CLCN6: variants seen among roughly 807,000 people sequenced by gnomAD.
CLCN6 encodes the protein Cl-/H+ antiporter 6.
Under a neutral mutation model 109.8 loss-of-function variants are expected in CLCN6, and 70 were observed. That is an observed-to-expected ratio of 0.64 (90% confidence interval 0.53 to 0.78). CLCN6 has a LOEUF of 0.78. Ranked by LOEUF, CLCN6 falls within the 30% of genes least tolerant of loss-of-function variation. The pLI is 0.00. For missense variants in CLCN6, 984 were observed against 1,142.3 expected (o/e 0.86, Z 2.00); for synonymous variants, 444 against 447.8 (o/e 0.99, Z 0.11).
chr1:11,824,873 C>T (rs1483073325), intron 8 of CLCN6, among the ~76,000 whole-genome samples: 1 of 152,170 alleles, frequency 6.6e-6, no homozygotes, highest in Admixed American at 6.6e-5. Context: ...CTCAGTGCTG[C>T]CAGATCCAAG....
chr1:11,836,031 T>A lies in CLCN6; in HGVS notation c.1858T>A (p.Ser620Thr), dbSNP rs1407142887. 3 of 1,613,360 alleles carry A rather than the reference T, an allele frequency of 1.9e-6. No individual in the cohort carries two copies. Among genetic ancestry groups the A allele is most frequent in the East Asian group, 4.5e-5 (2 of 44,830 alleles). The change falls in exon 18 of 23, where the codon TCT becomes ACT. Residue 620 changes from serine (S) to threonine (T), a missense_variant. By Grantham distance (58) the Ser-to-Thr change is moderately conservative (BLOSUM62 1). Transcript: ENST00000346436. ...TYVYPHTRIQ[S>T]LVSILRTTVH... is the part of the protein sequence containing the mutation. ...CGTCTACCCGCACACCCGCATCCAG[T>A]CTCTGGTGAGCATCCTGCGCACCAC...
intron 22 of CLCN6, chr1:11,838,870 C>T (rs534509281): frequency 2.3e-5 from 17 of 753,856 alleles, no homozygotes; most frequent in Admixed American, 8.0e-5. Flanking sequence ...TCCCACTGGC[C>T]GTCCTTTCCA....
intron 1 of CLCN6, chr1:11,806,589 CATG>C (rs1644515330): frequency 2.2e-6 from 1 of 461,932 alleles, no homozygotes; most frequent in Admixed American, 4.4e-5. Context: ...AAATCCCACC[CATG>C]TTTCCTTTTA....
At chr1:11,837,656 G>T (rs1185787670) in intron 20 of CLCN6, among the ~76,000 whole-genome samples, 157 bp downstream of exon 20, 2 of 152,166 alleles carry the variant, frequency 1.3e-5, no homozygotes, top group African/African-American at 4.8e-5. Context: ...CAGCCGGGTG[G>T]TGAGAAGCAA....
intron 1 of CLCN6, 54 bp from the exon 2 acceptor site, chr1:11,807,077 T>A: frequency 6.8e-7 from 1 of 1,465,534 alleles, no homozygotes; most frequent in Non-Finnish European, 9.6e-7. Flanking sequence ...TACTTCTGCC[T>A]CCTTCCACTC....
rs375970486 is a variant in CLCN6 at position 11,838,649 on chromosome 1, G to T, written c.2518G>T (p.Ala840Ser). The change falls in exon 22 of 23, where the codon GCT (alanine) becomes TCT (serine). Residue 840 changes from alanine (A) to serine (S), a missense_variant. Coordinates refer to ENST00000346436, the MANE Select transcript of CLCN6 (RefSeq NM_001286.5). ...CCTGCGCCACCTGCCCGTGGTGAAC[G>T]CTGTGGGAGAGGTGAGCGAGGCCCC... ...MGLRHLPVVN[A>S]VGEIVGIITR... 1.9e-6 allele frequency: 3 copies of T among 1,614,206 alleles called. No homozygotes were observed. Among genetic ancestry groups the T allele is most frequent in the Admixed American group, 1.7e-5 (1 of 60,028 alleles).
chr1:11,832,882 A>T (rs1052579728), intron 13 of CLCN6, among the ~76,000 whole-genome samples: 1 of 152,216 alleles, frequency 6.6e-6, no homozygotes, highest in African/African-American at 2.4e-5. Flanking sequence ...AATGTGTAGA[A>T]GTAGTAGAAG....
chr1:11,821,610 G>A (rs1644745207), intron 5 of CLCN6, among the ~76,000 whole-genome samples: 1 of 152,136 alleles, frequency 6.6e-6, no homozygotes, highest in Admixed American at 6.6e-5. Flanking sequence ...ACAACAGATG[G>A]TCCAATGGAA....
chr1:11,821,074 CAAAAAACAACAACAAA>C (rs1644735509), intron 5 of CLCN6, among the ~76,000 whole-genome samples: 1 of 99,796 alleles, frequency 1.0e-5, no homozygotes, highest in Non-Finnish European at 2.1e-5. Context: ...AAAACTGTCT[CAAAAAACAACAACAAA>C]AAAAAAAAAC....
chr1:11,809,950 G>T (rs1397199907), intron 2 of CLCN6, among the ~76,000 whole-genome samples: 1 of 152,144 alleles, frequency 6.6e-6, no homozygotes, highest in Non-Finnish European at 1.5e-5. Context: ...AATAAAGAGG[G>T]GAGTGAGTGG....
chr1:11,837,845 G>A (rs1164778807), intron 20 of CLCN6, among the ~76,000 whole-genome samples: 3 of 152,068 alleles, frequency 2.0e-5, no homozygotes, highest in East Asian at 1.9e-4. Context: ...ATCACACGGC[G>A]TTCTCCTGTG....
At position 11,809,023 on chromosome 1, in the gene CLCN6, G is replaced by A. The variant is rs367604924; in HGVS notation, c.147+1833G>A. 2.1e-4 allele frequency among the ~76,000 whole-genome samples: 32 copies of A among 151,518 alleles called. 1 individual carries two copies. The East Asian group carries it at 2.3e-3, about 11-fold the overall frequency. ...ATTACAGGCGCCCACCACCATGCCC[G>A]GCTAATTTTTGTATTTTTAGTAGAG... On this transcript the variant is annotated intron_variant, in intron 2 of 22. Transcript: ENST00000346436.
chr1:11,829,411 A>G (rs535107), intron 13 of CLCN6, 89 bp downstream of exon 13: 608,445 of 1,473,160 alleles, frequency 0.41, 129,885 homozygotes, highest in African/African-American at 0.54. Flanking sequence ...ACTAATAGAT[A>G]TGTTGGGTTC....
At chr1:11,813,580 G>A (rs535731169) in intron 2 of CLCN6, among the ~76,000 whole-genome samples, 14 of 152,102 alleles carry the variant, frequency 9.2e-5, no homozygotes, top group African/African-American at 2.9e-4. Flanking sequence ...TGGTAGAGAC[G>A]GGGTTTCGCC....
At chr1:11,838,836 G>C (rs1644984712) in intron 22 of CLCN6, 176 bp downstream of exon 22, 1 of 915,418 alleles carries the variant, frequency 1.1e-6, no homozygotes, top group Non-Finnish European at 1.8e-6. Context: ...CCTTTCCCCT[G>C]CCTGCCAGCA....
Position 11,838,925 on chromosome 1 carries a change from T to G in CLCN6, c.2529+265T>G, listed in dbSNP as rs957033994. ...CAGGCTGTGTCTTCCTCCTGAAATG[T>G]TGCTCTTCACTCCGTACCACTGGTG... On this transcript the variant is annotated intron_variant, in intron 22 of 22. Coordinates refer to ENST00000346436, the MANE Select transcript of CLCN6 (RefSeq NM_001286.5). 4.3e-5 allele frequency: 31 copies of G among 718,544 alleles called. No homozygotes were observed. In the African/African-American group the frequency reaches 5.4e-4, roughly 13 times the overall value. 44.5% of individuals were successfully genotyped at this position (718,544 alleles called of 1,614,324 possible).
chr1:11,838,181 G>A (rs171983), intron 20 of CLCN6, among the ~76,000 whole-genome samples, 154 bp from the exon 21 acceptor site: 18,976 of 152,200 alleles, frequency 0.12, 1,699 homozygotes, highest in African/African-American at 0.25. Context: ...TGGTTTGACT[G>A]GAGAGCTCTC....
intron 2 of CLCN6, among the ~76,000 whole-genome samples, chr1:11,815,032 C>CAA (rs35753548): frequency 2.4e-5 from 3 of 125,316 alleles, no homozygotes; most frequent in African/African-American, 5.9e-5. Context: ...GACTCCGTCT[C>CAA]AAAAAAAAAA....
At chr1:11,840,100 G>A (rs1260700975) in intron 22 of CLCN6, 43 bp from the exon 23 acceptor site, 12 of 1,538,714 alleles carry the variant, frequency 7.8e-6, no homozygotes, top group South Asian at 6.7e-5. Flanking sequence ...TCTCGCCAGC[G>A]GGTTTTACCC....
Sources: allele counts gnomAD v4.1 joint callset (sites outside exome capture counted in the v4.1 genomes callset), GRCh38; gene constraint gnomAD v4.1.1; transcripts MANE v1.5; gene names NCBI Gene and HGNC (gene_info 2026-07-23, HGNC 2026-07-21).